OPN1LW: variants seen among roughly 807,000 people sequenced by gnomAD.
OPN1LW encodes the protein long-wave-sensitive opsin 1.
OPN1LW carries 4 observed loss-of-function variants against 18.1 expected under a neutral mutation model. The observed-to-expected ratio is 0.22, with a 90% CI of 0.11 to 0.51. The LOEUF is 0.51. Ranked by LOEUF, OPN1LW falls within the 20% of genes least tolerant of loss-of-function variation. The probability of loss-of-function intolerance (pLI) is 0.97; values close to 1 mark genes in which losing one functional copy is unlikely to be tolerated. For synonymous variants in OPN1LW, 86 were observed against 101.2 expected (o/e 0.85, Z 0.90); for missense variants, 164 against 234.9 (o/e 0.70, Z 1.97).
chrX:154,156,305 G>A lies in OPN1LW; in HGVS notation c.756G>A (p.Gln252=). 1 of 1,199,677 alleles carries A rather than the reference G, an allele frequency of 8.3e-7. No homozygotes were observed. ...VWLAIRAVAK[Q]QKESESTQKA... Reference sequence around the variant, plus strand: ...CCTGTCTCCCTTAGGTGGCAAAGCAGCAGAAAGAGTCTGAATCCACCCAGA... The same window carrying A: ...CCTGTCTCCCTTAGGTGGCAAAGCAACAGAAAGAGTCTGAATCCACCCAGA... The change falls in exon 5 of 6, where the codon CAG becomes CAA. Residue 252 remains glutamine, a synonymous_variant. Coordinates refer to ENST00000369951, the MANE Select transcript of OPN1LW (RefSeq NM_020061.6).
rs1557157993 is a variant in OPN1LW at position 154,156,396 on chromosome X, C to T, written c.847C>T (p.Pro283Ser). The change falls in exon 5 of 6, where the codon CCC becomes TCC. Residue 283 changes from proline (P) to serine (S), a missense_variant. Around this residue, in one of 3 missense-constraint regions of OPN1LW, gnomAD observed 53 missense variants for 50.2 expected, o/e 1.06. Coordinates refer to ENST00000369951, the MANE Select transcript of OPN1LW (RefSeq NM_020061.6). The part of the protein sequence containing the change: ...MIFAYCVCWG[P>S]YTFFACFAAA... ...CTTTGCGTACTGCGTCTGCTGGGGA[C>T]CCTACACCTTCTTCGCATGCTTTGC... 1 of 1,205,100 alleles carries T rather than the reference C, an allele frequency of 8.3e-7. No individual in the cohort carries two copies. The highest frequency in any genetic ancestry group is 1.8e-5 in the South Asian group (1 of 56,489).
At position 154,156,497 on chromosome X, in the gene OPN1LW, C is replaced by G; in HGVS notation, c.948C>G (p.Ile316Met). 5 of 1,204,090 alleles carry G rather than the reference C, an allele frequency of 4.2e-6. No individual in the cohort carries two copies. Among genetic ancestry groups the G allele is most frequent in the Non-Finnish European group, 4.5e-6 (4 of 890,312 alleles). Reference protein sequence around the residue: ...LPAYFAKSATIYNPVIYVFMN... With the variant: ...LPAYFAKSATMYNPVIYVFMN... ...CCTACTTTGCCAAAAGTGCCACTAT[C>G]TACAACCCCGTTATCTATGTCTTTA... Residue 316 changes from isoleucine to methionine, a missense_variant, in exon 5 of 6, where the codon ATC (isoleucine) becomes ATG (methionine). Ile to Met is a conservative substitution (Grantham distance 10). Around this residue, in one of 3 missense-constraint regions of OPN1LW, gnomAD observed 53 missense variants for 50.2 expected, o/e 1.06. Coordinates refer to ENST00000369951, the MANE Select transcript of OPN1LW (RefSeq NM_020061.6).
intron 4 of OPN1LW, among the ~76,000 whole-genome samples, 158 bp from the exon 5 acceptor site, chrX:154,156,136 G>A (rs1469166664): frequency 1.7e-5 from 1 of 57,856 alleles, no homozygotes; most frequent in Non-Finnish European, 3.3e-5. Context: ...CCCAGGGCCA[G>A]CCTGAGGCAG....
At chrX:154,145,799 G>A (rs2148782991) in intron 1 of OPN1LW, among the ~76,000 whole-genome samples, 1 of 91,103 alleles carries the variant, frequency 1.1e-5, no homozygotes, top group African/African-American at 4.2e-5. Context: ...AGAGGGAGGA[G>A]TGTAATGAAC....
At position 154,154,697 on chromosome X, in the gene OPN1LW, C is replaced by T; in HGVS notation, c.702C>T (p.Ile234=). The change falls in exon 4 of 6, where the codon ATC becomes ATT. Residue 234 remains isoleucine (I), a synonymous_variant. Coordinates refer to ENST00000369951, the MANE Select transcript of OPN1LW (RefSeq NM_020061.6). ...MVTCCIIPLA[I]IMLCYLQVWL... ...CCTGCTGCATCATCCCACTCGCTAT[C>T]ATCATGCTCTGCTACCTCCAAGTGT... is the stretch of plus-strand genomic sequence containing the variant. The T allele has an allele frequency of 8.4e-7, 1 of 1,194,798 alleles. No individual in the cohort carries two copies. Among genetic ancestry groups the T allele is most frequent in the Non-Finnish European group, 1.1e-6 (1 of 883,951 alleles).
chrX:154,148,193 G>A (rs2067061911), intron 1 of OPN1LW, among the ~76,000 whole-genome samples: 1 of 103,543 alleles, frequency 9.7e-6, no homozygotes, highest in Non-Finnish European at 1.9e-5. Flanking sequence ...ACGTTGCAGT[G>A]AGCTATGATT....
chrX:154,149,531 CAA>C (rs782136368), intron 1 of OPN1LW, among the ~76,000 whole-genome samples: 11 of 59,425 alleles, frequency 1.9e-4, no homozygotes, highest in Admixed American at 3.7e-4. Flanking sequence ...GACTTTGTCC[CAA>C]AAAAAAAAAA....
At chrX:154,148,238 G>A (rs1272899271) in intron 1 of OPN1LW, among the ~76,000 whole-genome samples, 1 of 103,251 alleles carries the variant, frequency 9.7e-6, no homozygotes, top group Non-Finnish European at 1.9e-5. Flanking sequence ...GCCAGAGCCA[G>A]GCTCTATCTC....
intron 1 of OPN1LW, among the ~76,000 whole-genome samples, chrX:154,149,076 G>C (rs2067065295): frequency 9.6e-6 from 1 of 103,638 alleles, no homozygotes; most frequent in South Asian, 3.9e-4. Flanking sequence ...GTGGTGGCGG[G>C]CGCCTGTAGT....
intron 1 of OPN1LW, 104 bp downstream of exon 1, chrX:154,144,499 G>T: frequency 5.4e-6 from 3 of 558,621 alleles, no homozygotes; most frequent in Non-Finnish European, 8.1e-6. Context: ...CCCACCAGCA[G>T]AGAAGGCTTT....
In OPN1LW at chrX:154,154,650, T is replaced by C; in HGVS notation, c.655T>C (p.Tyr219His). The change falls in exon 4 of 6, where the codon TAC (tyrosine) becomes CAC (histidine). Residue 219 changes from tyrosine (Y) to histidine (H), a missense_variant. Transcript: ENST00000369951. The part of the protein sequence containing the change: ...SGSSYPGVQS[Y>H]MIVLMVTCCI... ...CAGCTCGTACCCCGGGGTGCAGTCT[T>C]ACATGATTGTCCTCATGGTCACCTG... The C allele has an allele frequency of 8.4e-7, 1 of 1,191,889 alleles. No individual in the cohort carries two copies. The highest frequency in any genetic ancestry group is 1.1e-6 in the Non-Finnish European group (1 of 883,138).
At position 154,150,771 on chromosome X, in the gene OPN1LW, G is replaced by A. The variant is rs373658326; in HGVS notation, c.228G>A (p.Ala76=). The A allele has an allele frequency of 2.4e-5, 29 of 1,199,810 alleles. No individual in the cohort carries two copies. Among genetic ancestry groups the A allele is most frequent in the African/African-American group, 7.2e-5 (4 of 55,396 alleles). The change falls in exon 2 of 6, where the codon GCG becomes GCA. Residue 76 remains alanine (A), a synonymous_variant. Coordinates refer to ENST00000369951, the MANE Select transcript of OPN1LW (RefSeq NM_020061.6). ...ASVFTNGLVL[A]ATMKFKKLRH... ...TCTTCACAAATGGGCTTGTGCTGGC[G>A]GCCACCATGAAGTTCAAGAAGCTGC...
intron 1 of OPN1LW, among the ~76,000 whole-genome samples, chrX:154,145,694 C>A (rs1256536357): frequency 1.2e-5 from 1 of 84,086 alleles, no homozygotes; most frequent in African/African-American, 4.5e-5. Context: ...TAGATGCCCC[C>A]AGACTTCATC....
intron 3 of OPN1LW, among the ~76,000 whole-genome samples, chrX:154,154,095 G>C (rs2067077786): frequency 1.1e-5 from 1 of 95,197 alleles, no homozygotes; most frequent in Admixed American, 1.1e-4. Context: ...GCCTCCTGAG[G>C]AGCTGGGCCT....
At chrX:154,154,169 T>A (rs1464781767) in intron 3 of OPN1LW, among the ~76,000 whole-genome samples, 1 of 97,823 alleles carries the variant, frequency 1.0e-5, no homozygotes, top group Non-Finnish European at 2.0e-5. Flanking sequence ...TCTCACTGTG[T>A]TCCAGGCTAG....
chrX:154,149,209 A>C (rs1215864154), intron 1 of OPN1LW, among the ~76,000 whole-genome samples: 5 of 99,350 alleles, frequency 5.0e-5, no homozygotes, highest in Admixed American at 3.1e-4. Context: ...CGTCTCAAAA[A>C]AAAAGAAAAA....
At chrX:154,144,485 C>T (rs2067053705) in intron 1 of OPN1LW, 90 bp downstream of exon 1, 8 of 637,606 alleles carry the variant, frequency 1.3e-5, no homozygotes, top group Admixed American at 7.1e-5. Context: ...CTCTTCTGCA[C>T]GTCCCCACCA....
intron 1 of OPN1LW, among the ~76,000 whole-genome samples, chrX:154,148,960 C>T (rs1191337644): frequency 1.9e-5 from 2 of 104,538 alleles, no homozygotes; most frequent in African/African-American, 4.1e-5. Flanking sequence ...AATCCCAGCA[C>T]TTTGGGAGGC....
chrX:154,150,990 C>T (rs2067072546), intron 2 of OPN1LW, 38 bp downstream of exon 2: 2 of 1,177,205 alleles, frequency 1.7e-6, no homozygotes, highest in East Asian at 3.0e-5. Flanking sequence ...GGAAACCACT[C>T]ATTCACCCTG....
Sources: gnomAD v4.1 joint callset for allele counts (sites outside exome capture counted in the v4.1 genomes callset) on GRCh38, gnomAD v4.1.1 for gene constraint, gnomAD v4.1.1 regional missense constraint, MANE v1.5 for transcripts, NCBI Gene and HGNC (gene_info 2026-07-23, HGNC 2026-07-21) for gene names.